The following DOCK4 variants were observed in gnomAD, a reference collection of about 807,000 sequenced individuals.
DOCK4 encodes the protein dedicator of cytokinesis 4.
A neutral mutation model predicts 268.1 loss-of-function variants in DOCK4; 97 were observed. The observed-to-expected ratio is 0.36, with a 90% CI of 0.31 to 0.43. The LOEUF is 0.43. Among genes scored for constraint, DOCK4 ranks in the 20% least tolerant of loss-of-function variants. The probability of loss-of-function intolerance (pLI) is 1.00; values close to 1 mark genes in which losing one functional copy is unlikely to be tolerated. For synonymous variants in DOCK4, 954 were observed against 887.2 expected (o/e 1.08, Z -1.34); for missense variants, 2,145 against 2,455.7 (o/e 0.87, Z 2.67).
chr7:112,206,126 T>C lies in DOCK4; in HGVS notation c.13A>G (p.Thr5Ala). The C allele has an allele frequency of 6.3e-7, 1 of 1,586,766 alleles. No homozygotes were observed. The highest frequency in any genetic ancestry group is 1.1e-5 in the South Asian group (1 of 87,146). Reference sequence around the variant, plus strand: ...CCCACGCCGTATTTCTCGTGCTCCGTAGGTATCCACATGGCTAAAGGGGCT... The same window carrying C: ...CCCACGCCGTATTTCTCGTGCTCCGCAGGTATCCACATGGCTAAAGGGGCT... MWIPTEHEKYGVVIA... is the reference protein window; with the variant it reads MWIPAEHEKYGVVIA... Residue 5 changes from threonine to alanine, a missense_variant, in exon 1 of 53, where the codon ACG becomes GCG. Thr to Ala is a moderately conservative substitution (Grantham distance 58, BLOSUM62 0). Transcript: ENST00000428084.
chr7:112,088,696 A>T (rs1450597425), intron 1 of DOCK4, among the ~76,000 whole-genome samples: 2 of 152,150 alleles, frequency 1.3e-5, no homozygotes, highest in African/African-American at 4.8e-5. Context: ...GATTGTGTTA[A>T]CTGGGGCAGG....
rs528789904 is a variant in DOCK4, at chr7:111,851,314, C to T, written c.2474-4188G>A. The stretch of plus-strand genomic sequence containing the variant: ...AAAAAATTAGCTGGGCGTGGCGGCA[C>T]GCGCCTGTAAGTCCCAGCTACTAGG... On this transcript the variant is annotated intron_variant, in intron 23 of 52. Coordinates refer to ENST00000428084, the MANE Select transcript of DOCK4 (RefSeq NM_001363540.2). 2.1e-3 allele frequency among the ~76,000 whole-genome samples: 326 copies of T among 151,882 alleles called. 1 individual carries two copies. Among genetic ancestry groups the T allele is most frequent in the African/African-American group, 7.5e-3 (312 of 41,420 alleles).
intron 23 of DOCK4, among the ~76,000 whole-genome samples, chr7:111,849,262 C>CT (rs200312873): frequency 0.018 from 2,393 of 133,332 alleles, 69 homozygotes; most frequent in African/African-American, 0.053. Flanking sequence ...TTCCTAGTTA[C>CT]TTTTTTTTTT....
intron 12 of DOCK4, among the ~76,000 whole-genome samples, chr7:111,929,957 C>T (rs1045188967): frequency 6.6e-6 from 1 of 152,282 alleles, no homozygotes; most frequent in South Asian, 2.1e-4. Flanking sequence ...CGTTTCAAGA[C>T]GTAGAACTTA....
chr7:112,070,858 C>T (rs1378097409), intron 1 of DOCK4, among the ~76,000 whole-genome samples: 2 of 152,202 alleles, frequency 1.3e-5, no homozygotes, highest in African/African-American at 4.8e-5. Context: ...CATGAGTTTG[C>T]TCAGGTGACC....
At chr7:111,770,553 C>T (rs1037124252) in intron 36 of DOCK4, among the ~76,000 whole-genome samples, 8 of 152,174 alleles carry the variant, frequency 5.3e-5, no homozygotes, top group African/African-American at 1.7e-4. Flanking sequence ...TGACAGGATA[C>T]TTGCCATTCT....
intron 1 of DOCK4, among the ~76,000 whole-genome samples, chr7:112,121,079 C>G (rs374444910): frequency 6.6e-6 from 1 of 152,126 alleles, no homozygotes; most frequent in African/African-American, 2.4e-5. Flanking sequence ...TTTCTGAGTA[C>G]CTACTATATG....
chr7:111,995,431 GTGTGTGTGTGTGTGTGTGTGTGTGTGTA>G (rs1335498483), intron 4 of DOCK4, among the ~76,000 whole-genome samples: 8 of 87,890 alleles, frequency 9.1e-5, no homozygotes, highest in African/African-American at 3.5e-4. Flanking sequence ...GTGTGTGTGT[GTGTGTGTGTGTGTGTGTGTGTGTGTGTA>G]TGTGCAGGTG....
intron 26 of DOCK4, among the ~76,000 whole-genome samples, chr7:111,830,450 A>AAAAC (rs1802737552): frequency 7.4e-6 from 1 of 134,872 alleles, no homozygotes; most frequent in Non-Finnish European, 1.6e-5. Context: ...CAAAACAAAA[A>AAAAC]AAACAAGATG....
In DOCK4 at chr7:112,067,547, A is replaced by G. The variant is rs73717949; in HGVS notation, c.38-63416T>C. On this transcript the variant is annotated intron_variant, in intron 1 of 52. Coordinates refer to ENST00000428084, the MANE Select transcript of DOCK4 (RefSeq NM_001363540.2). ...AAGTATTTTACATTCTCATTGGGTG[A>G]TAACTGGAGGGCTAAAAAAGAAAAA... Among the ~76,000 whole-genome samples, 554 of 152,298 alleles carry G rather than the reference A, an allele frequency of 3.6e-3. 2 individuals are homozygous for G. Among genetic ancestry groups the G allele is most frequent in the African/African-American group, 0.013 (521 of 41,556 alleles).
intron 22 of DOCK4, among the ~76,000 whole-genome samples, chr7:111,866,639 T>C (rs926365722): frequency 3.9e-5 from 6 of 152,150 alleles, no homozygotes; most frequent in Admixed American, 1.3e-4. Flanking sequence ...CCAAGCCACC[T>C]TAGGGGGACC....
At chr7:111,971,382 T>G (rs1797699924) in intron 8 of DOCK4, 1 of 198,854 alleles carries the variant, frequency 5.0e-6, no homozygotes, top group Admixed American at 5.4e-5. Flanking sequence ...CCAAAGCTCT[T>G]TTGTCTTCCA....
At chr7:112,056,361 T>C (rs1563040314) in intron 1 of DOCK4, among the ~76,000 whole-genome samples, 1 of 152,198 alleles carries the variant, frequency 6.6e-6, no homozygotes, top group Non-Finnish European at 1.5e-5. Context: ...TGCTTTTAAA[T>C]ATGCTAAATG....
In DOCK4 at chr7:111,872,441, G is replaced by C. The variant is rs745664040; in HGVS notation, c.1842+26C>G. 4.5e-6 allele frequency: 7 copies of C among 1,549,132 alleles called. No homozygotes were observed. The South Asian group carries it at 8.4e-5, about 19-fold the overall frequency. On this transcript the variant is annotated intron_variant, in intron 18 of 52. Transcript: ENST00000428084. ...TCTTTATTCTATGAATCTCTGCAAG[G>C]AAAATAGTAATGAAATACTATATAC...
intron 25 of DOCK4, among the ~76,000 whole-genome samples, chr7:111,835,661 T>C (rs1803180937): frequency 1.3e-5 from 2 of 152,198 alleles, no homozygotes; most frequent in Admixed American, 6.5e-5. Flanking sequence ...TAACTAACTG[T>C]ATATTTACAG....
chr7:111,991,726 C>T (rs1464717483), intron 5 of DOCK4, among the ~76,000 whole-genome samples: 2 of 151,088 alleles, frequency 1.3e-5, no homozygotes, highest in Non-Finnish European at 2.9e-5. Flanking sequence ...CTTTGGGAGG[C>T]CGAAGTGGGC....
intron 50 of DOCK4, 49 bp from the exon 51 acceptor site, chr7:111,735,216 C>G: frequency 1.6e-6 from 2 of 1,245,416 alleles, no homozygotes; most frequent in Non-Finnish European, 2.2e-6. Context: ...CTTTGCCCTT[C>G]CAATGCTTGA....
At chr7:111,802,327 C>G (rs60124356) in intron 30 of DOCK4, among the ~76,000 whole-genome samples, 12,054 of 152,170 alleles carry the variant, frequency 0.079, 1,606 homozygotes, top group African/African-American at 0.28. Flanking sequence ...TCTTGCATTT[C>G]TTCCATAACC....
chr7:112,123,106 G>T (rs1246017648), intron 1 of DOCK4, among the ~76,000 whole-genome samples: 1 of 152,234 alleles, frequency 6.6e-6, no homozygotes, highest in Non-Finnish European at 1.5e-5. Flanking sequence ...GAGGAATTCT[G>T]TTAAAGGGAT....
Sources: gnomAD v4.1 joint callset for allele counts (sites outside exome capture counted in the v4.1 genomes callset) on GRCh38, gnomAD v4.1.1 for gene constraint, MANE v1.5 for transcripts, NCBI Gene and HGNC (gene_info 2026-07-23, HGNC 2026-07-21) for gene names.